Variants in STK3 observed in about 807,000 individuals in gnomAD.
STK3 encodes the protein serine/threonine kinase 3, also known as serine/threonine-protein kinase 3.
In STK3, 41 loss-of-function variants were observed where a neutral mutation model predicts 58.0. The observed-to-expected ratio is 0.71, with a 90% CI of 0.55 to 0.92. STK3 has a LOEUF of 0.92. Among genes scored for constraint, STK3 ranks in the 40% least tolerant of loss-of-function variants. STK3 has a pLI of 0.00. For missense variants in STK3, 479 were observed against 602.7 expected, an observed-to-expected ratio of 0.79 and a Z score of 2.15; for synonymous variants, 170 against 191.0, an observed-to-expected ratio of 0.89 and a Z score of 0.91.
intron 1 of STK3, among the ~76,000 whole-genome samples, chr8:98,903,889 C>T (rs780097903): frequency 6.6e-6 from 1 of 152,096 alleles, no homozygotes; most frequent in African/African-American, 2.4e-5. Flanking sequence ...TTCCTATCAG[C>T]CTAAAGAAAT....
At chr8:98,889,202 A>G (rs1004959177) in intron 1 of STK3, among the ~76,000 whole-genome samples, 3 of 152,246 alleles carry the variant, frequency 2.0e-5, no homozygotes, top group Non-Finnish European at 4.4e-5. Flanking sequence ...GTTTTGAATT[A>G]CAGAACAAGA....
intron 3 of STK3, among the ~76,000 whole-genome samples, chr8:98,424,602 G>C (rs1002364709): frequency 2.0e-5 from 3 of 152,252 alleles, no homozygotes; most frequent in Non-Finnish European, 4.4e-5. Flanking sequence ...AAGGCAGAGG[G>C]CTCTCTCTCC....
intron 2 of STK3, among the ~76,000 whole-genome samples, chr8:98,772,349 T>C (rs1244349119): frequency 6.6e-6 from 1 of 152,212 alleles, no homozygotes. Flanking sequence ...GGCAGTTTCC[T>C]CATGGCTTGG....
chr8:98,836,775 C>T (rs1402980620), intron 3 of STK3, among the ~76,000 whole-genome samples: 2 of 152,106 alleles, frequency 1.3e-5, no homozygotes, highest in Non-Finnish European at 2.9e-5. Flanking sequence ...CAGTTCAACA[C>T]ATAATTATCT....
chr8:98,790,249 T>C (rs1460253778), intron 1 of STK3, among the ~76,000 whole-genome samples: 1 of 152,184 alleles, frequency 6.6e-6, no homozygotes, highest in Non-Finnish European at 1.5e-5. Flanking sequence ...CCAATATCCC[T>C]GATTAACATA....
At chr8:98,873,632 G>A (rs1156900889) in intron 3 of STK3, among the ~76,000 whole-genome samples, 1 of 151,426 alleles carries the variant, frequency 6.6e-6, no homozygotes, top group African/African-American at 2.4e-5. Context: ...TTGGTTTAAA[G>A]TCTGTTTTAT....
chr8:98,731,446 G>A (rs554883819), intron 4 of STK3, among the ~76,000 whole-genome samples: 1 of 152,250 alleles, frequency 6.6e-6, no homozygotes, highest in East Asian at 1.9e-4. Flanking sequence ...GGGGCCGGGC[G>A]CAGTGGCTCA....
rs181677670 is a variant in STK3 at position 98,738,402 on chromosome 8, G to A, written c.351+10874C>T. Among the ~76,000 whole-genome samples, 14 of 152,266 alleles carry A rather than the reference G, an allele frequency of 9.2e-5. No individual in the cohort carries two copies. The East Asian group carries it at 2.3e-3, about 25-fold the overall frequency. On this transcript the variant is annotated intron_variant, in intron 4 of 10. Transcript: ENST00000419617. ...GCACAAGAATCACTTGAATCTGGGA[G>A]GCGGAAGTTGCAGTGAGCCAAGATC... is the stretch of plus-strand genomic sequence containing the variant.
chr8:98,937,717 A>T (rs1008771843), intron 1 of STK3, among the ~76,000 whole-genome samples: 5 of 152,238 alleles, frequency 3.3e-5, no homozygotes, highest in Non-Finnish European at 5.9e-5. Flanking sequence ...GGATTTTTAG[A>T]GTTGGCTTGA....
At chr8:98,435,762 TA>T (rs980481875) in intron 2 of STK3, among the ~76,000 whole-genome samples, 4 of 152,044 alleles carry the variant, frequency 2.6e-5, no homozygotes, top group Non-Finnish European at 5.9e-5. Context: ...GTGCCTGGGA[TA>T]CACAGAGCGG....
At chr8:98,465,330 G>T (rs1820382095) in intron 10 of STK3, among the ~76,000 whole-genome samples, 1 of 151,998 alleles carries the variant, frequency 6.6e-6, no homozygotes, top group Non-Finnish European at 1.5e-5. Flanking sequence ...CTGTTTCATG[G>T]GTTTCCCATG....
intron 4 of STK3, among the ~76,000 whole-genome samples, chr8:98,711,252 C>A (rs1826406343): frequency 6.6e-6 from 1 of 152,202 alleles, no homozygotes; most frequent in Non-Finnish European, 1.5e-5. Context: ...AGGAACACAG[C>A]TCCTCACCAG....
chr8:98,578,224 A>G (rs2131720254), intron 8 of STK3, among the ~76,000 whole-genome samples: 1 of 152,312 alleles, frequency 6.6e-6, no homozygotes, highest in African/African-American at 2.4e-5. Flanking sequence ...GGAAATATGA[A>G]ACCCCCTGAG....
At chr8:98,906,989 T>TAAAAAAAAAAAAAAAAAAAAAAAA (rs3085954) in intron 1 of STK3, among the ~76,000 whole-genome samples, 1 of 94,784 alleles carries the variant, frequency 1.1e-5, no homozygotes, top group African/African-American at 4.2e-5. Flanking sequence ...TCTCTACCAA[T>TAAAAAAAAAAAAAAAAAAAAAAAA]AAAAAAAAAA....
intron 3 of STK3, among the ~76,000 whole-genome samples, chr8:98,870,419 C>G (rs1729116251): frequency 1.3e-5 from 2 of 152,246 alleles, no homozygotes; most frequent in Admixed American, 1.3e-4. Flanking sequence ...AATCGCCACA[C>G]TGTCTTCCAC....
chr8:98,737,508 T>C (rs1461640163), intron 4 of STK3, among the ~76,000 whole-genome samples: 2 of 151,678 alleles, frequency 1.3e-5, no homozygotes, highest in Non-Finnish European at 2.9e-5. Context: ...AATGACTAAT[T>C]AGTAAAATCA....
At chr8:98,668,641 T>C (rs1822547600) in intron 6 of STK3, among the ~76,000 whole-genome samples, 2 of 152,144 alleles carry the variant, frequency 1.3e-5, no homozygotes, top group South Asian at 2.1e-4. Flanking sequence ...ATTTTAATAG[T>C]AAAAGAAAAA....
intron 8 of STK3, among the ~76,000 whole-genome samples, chr8:98,575,491 T>C (rs1813324401): frequency 6.6e-6 from 1 of 151,558 alleles, no homozygotes; most frequent in South Asian, 2.1e-4. Context: ...AAGAAAACAC[T>C]GTACCCATTA....
intron 10 of STK3, among the ~76,000 whole-genome samples, chr8:98,509,323 CATAATT>C (rs1181197918): frequency 6.6e-5 from 10 of 151,858 alleles, no homozygotes; most frequent in African/African-American, 2.4e-4. Flanking sequence ...AATTTATGCT[CATAATT>C]ATAAATAGAT....
Sources: allele counts gnomAD v4.1 joint callset (sites outside exome capture counted in the v4.1 genomes callset), GRCh38; gene constraint gnomAD v4.1.1; transcripts MANE v1.5; gene names NCBI Gene and HGNC (gene_info 2026-07-23, HGNC 2026-07-21).